ARHGAP29: variants seen among roughly 807,000 people sequenced by gnomAD.
The protein encoded by ARHGAP29 is Rho GTPase activating protein 29, also known as rho GTPase-activating protein 29.
ARHGAP29 carries 43 observed loss-of-function variants against 122.6 expected under a neutral mutation model. That is an observed-to-expected ratio of 0.35 (90% confidence interval 0.27 to 0.45). ARHGAP29 has a LOEUF of 0.45. Ranked by LOEUF, ARHGAP29 falls within the 20% of genes least tolerant of loss-of-function variation. ARHGAP29 has a pLI of 1.00. For missense variants in ARHGAP29, 1,303 were observed against 1,477.2 expected (o/e 0.88, Z 1.93); for synonymous variants, 506 against 497.1 (o/e 1.02, Z -0.24).
intron 3 of ARHGAP29, among the ~76,000 whole-genome samples, chr1:94,216,093 C>T (rs1469001491): frequency 2.0e-5 from 3 of 152,116 alleles, no homozygotes; most frequent in African/African-American, 7.2e-5. Flanking sequence ...ATCAGAAGGG[C>T]AGAACCTATA....
intron 1 of ARHGAP29, among the ~76,000 whole-genome samples, chr1:94,261,464 G>C (rs1393768791): frequency 1.3e-5 from 2 of 152,084 alleles, no homozygotes; most frequent in Non-Finnish European, 2.9e-5. Context: ...TAGAAGTAAG[G>C]TTAAGATTTG....
chr1:94,255,567 T>C (rs1486889960), intron 1 of ARHGAP29, among the ~76,000 whole-genome samples: 1 of 152,240 alleles, frequency 6.6e-6, no homozygotes, highest in East Asian at 1.9e-4. Flanking sequence ...AAATTGCCAT[T>C]ATCCAACTTG....
chr1:94,228,388 G>A (rs1005619588), intron 2 of ARHGAP29, among the ~76,000 whole-genome samples: 5 of 151,716 alleles, frequency 3.3e-5, no homozygotes, highest in South Asian at 2.1e-4. Flanking sequence ...TCACAGATTC[G>A]TAAAACTGAT....
chr1:94,313,458 C>T, the ARHGAP29 span, among the ~76,000 whole-genome samples: 60 of 152,212 alleles, frequency 3.9e-4, no homozygotes, highest in African/African-American at 1.3e-3. Flanking sequence ...GTTAGAATGG[C>T]GATCATTAAG....
chr1:94,242,774 G>A (rs1461362756), intron 1 of ARHGAP29, among the ~76,000 whole-genome samples: 2 of 151,972 alleles, frequency 1.3e-5, no homozygotes, highest in African/African-American at 4.8e-5. Flanking sequence ...GAGATTCTCA[G>A]AGTGAGTAAA....
At chr1:94,295,540 T>A in the ARHGAP29 span, among the ~76,000 whole-genome samples, 1 of 152,152 alleles carries the variant, frequency 6.6e-6, no homozygotes, top group Non-Finnish European at 1.5e-5. Context: ...AGATCTAGGA[T>A]GTAATTTAGA....
intron 8 of ARHGAP29, among the ~76,000 whole-genome samples, 153 bp downstream of exon 8, chr1:94,203,777 G>A (rs1327644127): frequency 6.6e-6 from 1 of 152,080 alleles, no homozygotes; most frequent in Non-Finnish European, 1.5e-5. Context: ...TTTCATAATG[G>A]ACATCCATCT....
chr1:94,217,836 G>A (rs2101573684), intron 3 of ARHGAP29, among the ~76,000 whole-genome samples: 1 of 122,906 alleles, frequency 8.1e-6, no homozygotes, highest in East Asian at 2.4e-4. Flanking sequence ...GCAACAGAGT[G>A]AGACCCTATC....
intron 2 of ARHGAP29, among the ~76,000 whole-genome samples, chr1:94,221,321 T>C (rs1177707264): frequency 1.3e-5 from 2 of 152,112 alleles, no homozygotes; most frequent in African/African-American, 4.8e-5. Context: ...ACAGTACTCT[T>C]ATATAATCTT....
intron 1 of ARHGAP29, among the ~76,000 whole-genome samples, chr1:94,268,794 T>C (rs1654882403): frequency 6.6e-6 from 1 of 151,800 alleles, no homozygotes; most frequent in African/African-American, 2.4e-5. Context: ...CAAGAAGATA[T>C]ATATATATAT....
chr1:94,284,806 T>G, the ARHGAP29 span, among the ~76,000 whole-genome samples: 1 of 152,176 alleles, frequency 6.6e-6, no homozygotes, highest in Non-Finnish European at 1.5e-5. Context: ...AAACCTAAGT[T>G]TCTTTGATTT....
intron 12 of ARHGAP29, 172 bp from the exon 13 acceptor site, chr1:94,190,255 GA>G (rs1432995416): frequency 1.7e-6 from 1 of 588,532 alleles, no homozygotes; most frequent in Non-Finnish European, 2.7e-6. Context: ...CTAGATTAGG[GA>G]GAAAAGCAGT....
rs180856814 is a variant in ARHGAP29, at chr1:94,268,657, T to C, written c.-33+6355A>G. ...TTGAATGTTTGTTGAATGAAGATAC[T>C]GGCATATTTATTAAGCTAGATGTTC... On this transcript the variant is annotated intron_variant and NMD_transcript_variant, in intron 1 of 25. Coordinates refer to the ARHGAP29 transcript ENST00000552844. Among the ~76,000 whole-genome samples the C allele has an allele frequency of 2.3e-3, 349 of 152,346 alleles. 6 individuals carry two copies. Among genetic ancestry groups the C allele is most frequent in the Admixed American group, 0.015 (223 of 15,302 alleles).
chr1:94,204,656 T>G (rs1368830140), intron 7 of ARHGAP29, among the ~76,000 whole-genome samples: 2 of 152,222 alleles, frequency 1.3e-5, no homozygotes, highest in Non-Finnish European at 2.9e-5. Flanking sequence ...GTAAATAAGA[T>G]AATGACTACG....
intron 1 of ARHGAP29, among the ~76,000 whole-genome samples, chr1:94,249,103 A>G (rs1653975998): frequency 6.6e-6 from 1 of 152,246 alleles, no homozygotes. Flanking sequence ...TTGGCAAAGA[A>G]ACTAAAAAAT....
intron 2 of ARHGAP29, among the ~76,000 whole-genome samples, chr1:94,225,030 A>G (rs1265028212): frequency 2.6e-5 from 4 of 152,212 alleles, no homozygotes; most frequent in African/African-American, 9.6e-5. Flanking sequence ...AAAGGTAATC[A>G]CAAAGGTTCA....
intron 1 of ARHGAP29, among the ~76,000 whole-genome samples, chr1:94,235,258 A>C (rs888351085): frequency 6.6e-6 from 1 of 152,254 alleles, no homozygotes; most frequent in African/African-American, 2.4e-5. Context: ...TCATAAATGA[A>C]CTATGATAAT....
At chr1:94,203,264 C>G in intron 8 of ARHGAP29, 54 bp from the exon 9 acceptor site, 1 of 1,283,398 alleles carries the variant, frequency 7.8e-7, no homozygotes, top group Non-Finnish European at 1.1e-6. Context: ...ACTAGAATTC[C>G]AAACACATCA....
At chr1:94,305,200 C>T in the ARHGAP29 span, among the ~76,000 whole-genome samples, 1 of 152,198 alleles carries the variant, frequency 6.6e-6, no homozygotes, top group Admixed American at 6.5e-5. Context: ...CCTCTGTGGA[C>T]CATGTAAGGG....
Sources: gnomAD v4.1 joint callset for allele counts (sites outside exome capture counted in the v4.1 genomes callset) on GRCh38, gnomAD v4.1.1 for gene constraint, MANE v1.5 for transcripts, NCBI Gene and HGNC (gene_info 2026-07-23, HGNC 2026-07-21) for gene names.